The following NUP88 variants were observed in gnomAD, a reference collection of about 807,000 sequenced individuals.
The protein encoded by NUP88 is nucleoporin 88.
In NUP88, 57 loss-of-function variants were observed where a neutral mutation model predicts 93.9. That is an observed-to-expected ratio of 0.61 (90% CI 0.49 to 0.76). The LOEUF (loss-of-function observed/expected upper bound fraction) is 0.76. Among genes scored for constraint, NUP88 ranks in the 30% least tolerant of loss-of-function variants. NUP88 has a pLI of 0.00. For synonymous variants in NUP88, 346 were observed against 336.8 expected, an observed-to-expected ratio of 1.03 and a Z score of -0.30; for missense variants, 911 against 901.0, an observed-to-expected ratio of 1.01 and a Z score of -0.14.
chr17:5,410,798 C>T lies in NUP88; in HGVS notation c.594-9G>A, dbSNP rs1567576002. Reference sequence around the variant, plus strand: ...CACGTAGTGAGTAAATTCTAGCAACCAAAAGAGAAGAAAACCAGCACTTAA... The same window carrying T: ...CACGTAGTGAGTAAATTCTAGCAACTAAAAGAGAAGAAAACCAGCACTTAA... On this transcript the variant is annotated splice_polypyrimidine_tract_variant and intron_variant, in intron 3 of 16. Transcript: ENST00000573584. The T allele has an allele frequency of 6.4e-7, 1 of 1,569,550 alleles. No homozygotes were observed.
rs1458998017 is a variant in NUP88 at position 5,405,262 on chromosome 17, C to T, written c.858-19G>A. ...TCCAGGGCTAAAGAAGGAGTAAAAA[C>T]ATATTTGGGAAATGTTGACAGTATG... On this transcript the variant is annotated intron_variant, in intron 5 of 16. Coordinates refer to ENST00000573584, the MANE Select transcript of NUP88 (RefSeq NM_002532.6). The T allele has an allele frequency of 6.2e-7, 1 of 1,604,124 alleles. No homozygotes were observed.
At chr17:5,387,328 T>C (rs1912069882) in intron 14 of NUP88, 58 bp downstream of exon 14, 1 of 1,466,232 alleles carries the variant, frequency 6.8e-7, no homozygotes, top group African/African-American at 1.4e-5. Flanking sequence ...ATGCCCATTT[T>C]CTTAAATATC....
chr17:5,405,384 G>A, intron 5 of NUP88, 141 bp from the exon 6 acceptor site: 2 of 691,418 alleles, frequency 2.9e-6, no homozygotes, highest in Non-Finnish European at 4.6e-6. Flanking sequence ...CCATCTTCTC[G>A]CTTTCCCACT....
chr17:5,397,764 G>A (rs1425442260), intron 8 of NUP88, among the ~76,000 whole-genome samples: 1 of 152,176 alleles, frequency 6.6e-6, no homozygotes, highest in Non-Finnish European at 1.5e-5. Context: ...GTTTTTTGTA[G>A]ATGAAAAGTT....
intron 8 of NUP88, among the ~76,000 whole-genome samples, chr17:5,398,303 G>C (rs915698326): frequency 7.0e-6 from 1 of 143,532 alleles, no homozygotes; most frequent in Non-Finnish European, 1.5e-5. Context: ...TTGTTTGTTT[G>C]TTTTGAGACG....
chr17:5,386,177 G>A lies in NUP88; in HGVS notation c.*29C>T, dbSNP rs377606329. ...GGGTTTAAGCCTTCAATGGTGTTCA[G>A]TTCAGGTGTGAGTCAGCTCCTGGTG... is the stretch of plus-strand genomic sequence containing the variant. On this transcript the variant is annotated 3_prime_UTR_variant, in exon 17 of 17. Transcript: ENST00000573584. The A allele has an allele frequency of 2.5e-5, 40 of 1,573,872 alleles. No homozygotes were observed. Among genetic ancestry groups the A allele is most frequent in the Non-Finnish European group, 3.4e-5 (39 of 1,147,074 alleles).
intron 10 of NUP88, 129 bp from the exon 11 acceptor site, chr17:5,389,089 A>G (rs1302049212): frequency 4.4e-6 from 3 of 675,264 alleles, no homozygotes; most frequent in South Asian, 5.3e-5. Context: ...AAGTGCAAGA[A>G]TGCATGTTTT....
chr17:5,409,309 G>A (rs1913686796), intron 4 of NUP88, among the ~76,000 whole-genome samples: 2 of 151,462 alleles, frequency 1.3e-5, no homozygotes, highest in East Asian at 3.9e-4. Context: ...GGGAGGCGGA[G>A]GTTGCAGTGA....
At chr17:5,411,621 T>C (rs1478424559) in intron 3 of NUP88, among the ~76,000 whole-genome samples, 2 of 149,624 alleles carry the variant, frequency 1.3e-5, no homozygotes, top group African/African-American at 4.9e-5. Flanking sequence ...CCCAGTATCG[T>C]ATCATCTCTA....
Position 5,388,901 on chromosome 17 carries a change from G to A in NUP88, c.1544C>T (p.Ala515Val). The A allele has an allele frequency of 6.2e-7, 1 of 1,613,988 alleles. No individual in the cohort carries two copies. The highest frequency in any genetic ancestry group is 8.5e-7 in the Non-Finnish European group (1 of 1,179,900). ...AGCCAGAACACGGAGGGGAGACTCT[G>A]CCACTTCAACATCTTCTCGAGTACA... ...LLCTREDVEVAESPLRVLAET... is the reference protein window; with the variant it reads ...LLCTREDVEVVESPLRVLAET... Residue 515 changes from alanine to valine, a missense_variant, in exon 11 of 17, where the codon GCA becomes GTA. Coordinates refer to ENST00000573584, the MANE Select transcript of NUP88 (RefSeq NM_002532.6).
At position 5,419,430 on chromosome 17, in the gene NUP88, TCTC is replaced by T; in HGVS notation, c.218_220del (p.Gly73del). ...GCGAACGACTAAGAAGGAGCTGTCT[TCTC>T]CGTCCCACAGGAAAAGCTCTCCGCC... On this transcript the variant is annotated inframe_deletion, in exon 1 of 17. Coordinates refer to ENST00000573584, the MANE Select transcript of NUP88 (RefSeq NM_002532.6). 1 of 1,613,800 alleles carries T rather than the reference TCTC, an allele frequency of 6.2e-7. No individual in the cohort carries two copies. Among genetic ancestry groups the T allele is most frequent in the Non-Finnish European group, 8.5e-7 (1 of 1,179,888 alleles).
intron 13 of NUP88, 52 bp from the exon 14 acceptor site, chr17:5,387,518 A>C (rs1356493953): frequency 6.3e-7 from 1 of 1,591,038 alleles, no homozygotes; most frequent in South Asian, 1.1e-5. Flanking sequence ...TGATGCTGAA[A>C]CCACCTAATG....
At chr17:5,387,979 G>C (rs1278746858) in intron 11 of NUP88, 75 bp from the exon 12 acceptor site, 3 of 1,459,736 alleles carry the variant, frequency 2.1e-6, no homozygotes, top group African/African-American at 1.4e-5. Context: ...TCAAGTCACA[G>C]GTGCTTTTTA....
intron 5 of NUP88, among the ~76,000 whole-genome samples, chr17:5,407,311 A>G (rs989547271): frequency 6.6e-6 from 1 of 152,128 alleles, no homozygotes; most frequent in Non-Finnish European, 1.5e-5. Context: ...AGGCCTACTC[A>G]TTTACTCCAT....
Position 5,419,431 on chromosome 17 carries a change from C to A in NUP88, c.220G>T (p.Glu74Ter). ...LGGELFLWDG[E>*]DSSFLVVRLR... ...CGAACGACTAAGAAGGAGCTGTCTT[C>A]TCCGTCCCACAGGAAAAGCTCTCCG... is the stretch of plus-strand genomic sequence containing the variant. Residue 74 changes from glutamate to a stop codon, truncating the protein, a stop_gained, in exon 1 of 17, where the codon GAA (glutamate) becomes TAA (stop). Transcript: ENST00000573584. LOFTEE classifies it high-confidence loss of function. 6.2e-7 allele frequency: 1 copy of A among 1,613,914 alleles called. No homozygotes were observed. Among genetic ancestry groups the A allele is most frequent in the Non-Finnish European group, 8.5e-7 (1 of 1,179,908 alleles).
intron 1 of NUP88, 40 bp from the exon 2 acceptor site, chr17:5,416,722 AT>A (rs1914171993): frequency 6.6e-7 from 1 of 1,523,530 alleles, no homozygotes; most frequent in African/African-American, 1.4e-5. Context: ...GTTAATTTTA[AT>A]TTAAATATAG....
Position 5,391,394 on chromosome 17 carries a change from T to C in NUP88, c.1484+167A>G, listed in dbSNP as rs373652549. On this transcript the variant is annotated intron_variant, in intron 10 of 16. Coordinates refer to ENST00000573584, the MANE Select transcript of NUP88 (RefSeq NM_002532.6). ...AAACTATACCTACAATGAAACCTTA[T>C]AGAGATGATGGCAGGAACAGAAATA... is the stretch of plus-strand genomic sequence containing the variant. The C allele has an allele frequency of 2.5e-4, 150 of 597,722 alleles. 1 individual carries two copies. Among genetic ancestry groups the C allele is most frequent in the South Asian group, 5.2e-4 (26 of 50,106 alleles). The allele number at this position is 597,722 out of a possible 1,614,324, so 37.0% of individuals were successfully genotyped here.
At chr17:5,388,715 A>T in intron 11 of NUP88, 87 bp downstream of exon 11, 1 of 1,219,996 alleles carries the variant, frequency 8.2e-7, no homozygotes, top group Non-Finnish European at 1.1e-6. Flanking sequence ...AAAGTATATG[A>T]AACAGATGAG....
In NUP88 at chr17:5,399,450, ATTTTCTCTATCAT is replaced by A; in HGVS notation, c.1291+89_1291+101del. ...TTCAAAGAACCTTTCGGTTTCACTG[ATTTTCTCTATCAT>A]TTTTCTATTCCAAACTACTTTTCTG... On this transcript the variant is annotated intron_variant, in intron 8 of 16. Transcript: ENST00000573584. 6.4e-6 allele frequency: 4 copies of A among 620,204 alleles called. No homozygotes were observed. In the East Asian group the frequency reaches 1.2e-4, roughly 18 times the overall value. The allele number at this position is 620,204 out of a possible 1,614,324, so 38.4% of individuals were successfully genotyped here.
Sources: gnomAD v4.1 joint callset for allele counts (sites outside exome capture counted in the v4.1 genomes callset) on GRCh38, gnomAD v4.1.1 for gene constraint, MANE v1.5 for transcripts, NCBI Gene and HGNC (gene_info 2026-07-23, HGNC 2026-07-21) for gene names.